PARD3B: variants seen among roughly 807,000 people sequenced by gnomAD.
The protein encoded by PARD3B is par-3 family cell polarity regulator beta.
In PARD3B, 103 loss-of-function variants were observed where a neutral mutation model predicts 130.2. The observed-to-expected ratio is 0.79, with a 90% CI of 0.67 to 0.93. The LOEUF is 0.93. PARD3B is among the 40% of genes least tolerant of loss of function. PARD3B has a pLI of 0.00. For synonymous variants in PARD3B, 583 were observed against 553.2 expected, an observed-to-expected ratio of 1.05 and a Z score of -0.76; for missense variants, 1,609 against 1,499.2, an observed-to-expected ratio of 1.07 and a Z score of -1.21.
At chr2:205,034,915 C>T (rs1030602760) in intron 3 of PARD3B, among the ~76,000 whole-genome samples, 1 of 151,978 alleles carries the variant, frequency 6.6e-6, no homozygotes, top group Admixed American at 6.6e-5. Flanking sequence ...GGAGTGCAGT[C>T]GTGCTATCTC....
At chr2:204,935,171 T>C (rs1175646771) in intron 2 of PARD3B, among the ~76,000 whole-genome samples, 4 of 150,338 alleles carry the variant, frequency 2.7e-5, no homozygotes, top group East Asian at 1.9e-4. Context: ...TTTACATTTC[T>C]CTATCCTGTT....
At chr2:205,314,519 A>G (rs1389123866) in intron 18 of PARD3B, among the ~76,000 whole-genome samples, 1 of 152,320 alleles carries the variant, frequency 6.6e-6, no homozygotes, top group East Asian at 1.9e-4. Context: ...ATGGTTCCTA[A>G]TGAAGCAAGG....
At chr2:205,576,293 G>A (rs1296575706) in intron 22 of PARD3B, among the ~76,000 whole-genome samples, 1 of 145,836 alleles carries the variant, frequency 6.9e-6, no homozygotes, top group Non-Finnish European at 1.5e-5. Flanking sequence ...TGTGTCTTTT[G>A]CAAATATTTT....
At chr2:205,416,688 C>T (rs143040836) in intron 19 of PARD3B, among the ~76,000 whole-genome samples, 92 of 152,104 alleles carry the variant, frequency 6.0e-4, no homozygotes, top group South Asian at 1.2e-3. Flanking sequence ...ATAAACTATG[C>T]CCCTTTATGG....
At chr2:205,085,305 A>G (rs1295847911) in intron 4 of PARD3B, among the ~76,000 whole-genome samples, 2 of 152,074 alleles carry the variant, frequency 1.3e-5, no homozygotes, top group African/African-American at 2.4e-5. Context: ...CTGCCTTTCA[A>G]TGTTGTCATA....
At chr2:205,115,221 C>G (rs1703942046) in intron 6 of PARD3B, among the ~76,000 whole-genome samples, 1 of 152,110 alleles carries the variant, frequency 6.6e-6, no homozygotes, top group Non-Finnish European at 1.5e-5. Context: ...TATTGATTTC[C>G]TCCCTTCCTT....
chr2:205,489,238 A>C (rs915151310), intron 20 of PARD3B, among the ~76,000 whole-genome samples: 1 of 152,038 alleles, frequency 6.6e-6, no homozygotes, highest in Non-Finnish European at 1.5e-5. Flanking sequence ...CCTTGAGACA[A>C]TATGTATCAC....
At chr2:204,833,461 A>G (rs1376605574) in intron 2 of PARD3B, among the ~76,000 whole-genome samples, 1 of 151,922 alleles carries the variant, frequency 6.6e-6, no homozygotes, top group East Asian at 1.9e-4. Context: ...CTTCTGATTG[A>G]AACCCTTCGA....
chr2:205,062,274 T>C (rs1700106565), intron 4 of PARD3B, among the ~76,000 whole-genome samples: 1 of 152,144 alleles, frequency 6.6e-6, no homozygotes, highest in Non-Finnish European at 1.5e-5. Context: ...AATGAAAGTA[T>C]GTTATTGGAG....
chr2:205,167,795 A>C (rs887336423), intron 11 of PARD3B, among the ~76,000 whole-genome samples: 9 of 152,220 alleles, frequency 5.9e-5, no homozygotes, highest in Non-Finnish European at 1.2e-4. Context: ...TTGACAAGTC[A>C]CTTAATTTCT....
chr2:205,477,901 C>T (rs1352191478), intron 20 of PARD3B, among the ~76,000 whole-genome samples: 1 of 152,102 alleles, frequency 6.6e-6, no homozygotes, highest in East Asian at 1.9e-4. Flanking sequence ...AAGGCCAACA[C>T]TCTACATGCA....
chr2:205,259,583 A>T (rs1280937166), intron 16 of PARD3B, among the ~76,000 whole-genome samples: 1 of 152,022 alleles, frequency 6.6e-6, no homozygotes, highest in Non-Finnish European at 1.5e-5. Context: ...TATGACTCCC[A>T]TGGCTTTATA....
At chr2:204,994,276 T>A (rs1471126846) in intron 3 of PARD3B, among the ~76,000 whole-genome samples, 3 of 117,136 alleles carry the variant, frequency 2.6e-5, no homozygotes, top group Admixed American at 1.8e-4. Flanking sequence ...TCTGGTATGT[T>A]GTGTCTTTGT....
rs368505685 is a variant in PARD3B at position 204,840,484 on chromosome 2, C to T, written c.223-124668C>T. Among the ~76,000 whole-genome samples, 20 of 151,856 alleles carry T rather than the reference C, an allele frequency of 1.3e-4. No individual in the cohort carries two copies. The South Asian group carries it at 4.2e-3, about 32-fold the overall frequency. On this transcript the variant is annotated intron_variant, in intron 2 of 22. Transcript: ENST00000406610. Reference sequence around the variant, plus strand: ...CAAATTACCCACTTTAATACGAATACATGAAAATAGATTTTAAAAAAGAAG... The same window carrying T: ...CAAATTACCCACTTTAATACGAATATATGAAAATAGATTTTAAAAAAGAAG...
At chr2:205,521,296 TTTTTATGAA>T (rs2051040576) in intron 21 of PARD3B, among the ~76,000 whole-genome samples, 1 of 152,056 alleles carries the variant, frequency 6.6e-6, no homozygotes, top group African/African-American at 2.4e-5. Context: ...ATATTTCTTC[TTTTTATGAA>T]TTTTTTATTT....
intron 19 of PARD3B, among the ~76,000 whole-genome samples, chr2:205,402,054 T>C (rs529134471): frequency 6.6e-6 from 1 of 152,342 alleles, no homozygotes; most frequent in African/African-American, 2.4e-5. Context: ...TTGTGTTTTC[T>C]AGCACAGAGG....
At chr2:205,512,509 C>T (rs1202368711) in intron 21 of PARD3B, among the ~76,000 whole-genome samples, 2 of 152,168 alleles carry the variant, frequency 1.3e-5, no homozygotes, top group African/African-American at 2.4e-5. Context: ...TAGCTCCATT[C>T]CCTAAGCAGC....
At chr2:205,547,376 T>C (rs1305690990) in intron 21 of PARD3B, among the ~76,000 whole-genome samples, 2 of 152,184 alleles carry the variant, frequency 1.3e-5, no homozygotes, top group Non-Finnish European at 2.9e-5. Context: ...TTGCAGACTT[T>C]ATAGTGGTCT....
chr2:205,050,942 T>C (rs1699148700), intron 4 of PARD3B, among the ~76,000 whole-genome samples: 1 of 152,146 alleles, frequency 6.6e-6, no homozygotes, highest in Non-Finnish European at 1.5e-5. Context: ...GGCATAATTA[T>C]TAATAATGTC....
Sources: gnomAD v4.1 joint callset for allele counts (sites outside exome capture counted in the v4.1 genomes callset) on GRCh38, gnomAD v4.1.1 for gene constraint, MANE v1.5 for transcripts, NCBI Gene and HGNC (gene_info 2026-07-23, HGNC 2026-07-21) for gene names.